The following MYO18B variants were observed in gnomAD, a reference collection of about 807,000 sequenced individuals.
MYO18B encodes myosin XVIIIB, also known as unconventional myosin-XVIIIb.
In MYO18B, 204 loss-of-function variants were observed where a neutral mutation model predicts 273.0. The ratio of observed to expected loss-of-function variants is 0.75; its 90% CI spans 0.67 to 0.84. MYO18B has a LOEUF of 0.84. MYO18B is among the 40% of genes least tolerant of loss of function. The pLI is 0.00. For synonymous variants in MYO18B, 1,330 were observed against 1,305.7 expected, an observed-to-expected ratio of 1.02 and a Z score of -0.40; for missense variants, 3,212 against 3,287.6, an observed-to-expected ratio of 0.98 and a Z score of 0.56.
chr22:25,830,763 G>C (rs896931422), intron 15 of MYO18B, among the ~76,000 whole-genome samples: 6 of 152,154 alleles, frequency 3.9e-5, no homozygotes, highest in African/African-American at 1.4e-4. Context: ...GGATTCAAGG[G>C]GTAGGAAAAC....
chr22:25,743,388 G>C (rs1183712168), intron 1 of MYO18B, among the ~76,000 whole-genome samples: 2 of 152,066 alleles, frequency 1.3e-5, no homozygotes, highest in Non-Finnish European at 2.9e-5. Context: ...TGTGTACCTT[G>C]GGAGCAGAAA....
At chr22:25,888,196 A>T (rs369827596) in intron 25 of MYO18B, among the ~76,000 whole-genome samples, 4 of 152,186 alleles carry the variant, frequency 2.6e-5, no homozygotes, top group African/African-American at 9.7e-5. Flanking sequence ...GAGCAGGTTG[A>T]AATGTAGATT....
intron 1 of MYO18B, among the ~76,000 whole-genome samples, chr22:25,760,025 G>T (rs551374417): frequency 1.3e-4 from 20 of 152,296 alleles, no homozygotes; most frequent in African/African-American, 4.6e-4. Flanking sequence ...GACAGATTGA[G>T]AGCTACAGTT....
intron 29 of MYO18B, 51 bp from the exon 30 acceptor site, chr22:25,902,562 T>A: frequency 6.4e-7 from 1 of 1,568,774 alleles, no homozygotes; most frequent in Non-Finnish European, 8.6e-7. Flanking sequence ...CCTCAATCAC[T>A]CCCCTGCCCA....
At chr22:25,747,461 T>C (rs1276695609) in intron 1 of MYO18B, among the ~76,000 whole-genome samples, 1 of 152,198 alleles carries the variant, frequency 6.6e-6, no homozygotes, top group East Asian at 1.9e-4. Flanking sequence ...ATCCTGGCAC[T>C]CAGCCACGAG....
At chr22:26,019,342 T>A (rs1278504764) in intron 42 of MYO18B, among the ~76,000 whole-genome samples, 1 of 152,250 alleles carries the variant, frequency 6.6e-6, no homozygotes, top group East Asian at 1.9e-4. Flanking sequence ...TTTAAATCCA[T>A]GTTCTCCCAC....
chr22:25,941,499 G>A (rs1251720608), intron 34 of MYO18B, among the ~76,000 whole-genome samples: 1 of 152,178 alleles, frequency 6.6e-6, no homozygotes, highest in Non-Finnish European at 1.5e-5. Flanking sequence ...CCAGTGTTGC[G>A]CCACTGAAGG....
At chr22:25,878,196 A>G in intron 25 of MYO18B, 148 bp downstream of exon 25, 4 of 612,710 alleles carry the variant, frequency 6.5e-6, no homozygotes, top group Non-Finnish European at 1.1e-5. Flanking sequence ...CTGTTATTGA[A>G]CCCATTTTAC....
At chr22:25,803,742 A>C (rs921572173) in intron 12 of MYO18B, among the ~76,000 whole-genome samples, 3 of 152,156 alleles carry the variant, frequency 2.0e-5, no homozygotes, top group Non-Finnish European at 4.4e-5. Context: ...AGGAGTGATG[A>C]AACGCAACGA....
chr22:26,055,912 A>T, the MYO18B span, among the ~76,000 whole-genome samples: 3 of 152,158 alleles, frequency 2.0e-5, no homozygotes, highest in Non-Finnish European at 4.4e-5. Context: ...TGCTGGAGGA[A>T]CTAATCCTAC....
At chr22:25,847,994 G>C (rs1286991755) in intron 20 of MYO18B, among the ~76,000 whole-genome samples, 1 of 151,448 alleles carries the variant, frequency 6.6e-6, no homozygotes, top group East Asian at 1.9e-4. Flanking sequence ...TACATGTACA[G>C]CACGTGCAGG....
downstream of MYO18B, among the ~76,000 whole-genome samples, chr22:26,032,855 G>T (rs8142242): frequency 6.6e-6 from 1 of 152,006 alleles, no homozygotes; most frequent in Non-Finnish European, 1.5e-5. Context: ...GGTATGGGGG[G>T]TTAGAACTTT....
In MYO18B at chr22:25,917,298, C is replaced by A. The variant is rs546908801; in HGVS notation, c.5365-3959C>A. ...CTAAGAGAGTCCTGTTATATCCTTA[C>A]CATGAGAATGGTTATACCAAAGTTT... On this transcript the variant is annotated intron_variant, in intron 33 of 43. Coordinates refer to ENST00000335473, the MANE Select transcript of MYO18B (RefSeq NM_032608.7). Among the ~76,000 whole-genome samples the A allele has an allele frequency of 5.7e-4, 87 of 152,208 alleles. No individual in the cohort carries two copies. The South Asian group carries it at 0.018, about 31-fold the overall frequency.
the MYO18B span, among the ~76,000 whole-genome samples, chr22:26,036,452 A>G: frequency 6.6e-6 from 1 of 152,108 alleles, no homozygotes; most frequent in Non-Finnish European, 1.5e-5. Context: ...TGTCCTATCC[A>G]TGTGTTCTAT....
chr22:26,000,422 C>T (rs888556829), intron 40 of MYO18B, among the ~76,000 whole-genome samples: 3 of 152,034 alleles, frequency 2.0e-5, no homozygotes, highest in South Asian at 2.1e-4. Flanking sequence ...TCCTAGAACT[C>T]GAGGGCTCCA....
At chr22:25,877,561 G>C (rs927985174) in intron 24 of MYO18B, among the ~76,000 whole-genome samples, 2 of 152,046 alleles carry the variant, frequency 1.3e-5, no homozygotes, top group Non-Finnish European at 2.9e-5. Context: ...TCCATCTCCG[G>C]GGTTCAAGTG....
rs780204757 is a variant in MYO18B at position 25,851,616 on chromosome 22, G to C, written c.3885+37G>C. The C allele has an allele frequency of 4.3e-6, 6 of 1,384,286 alleles. No individual in the cohort carries two copies. In the South Asian group the frequency reaches 4.9e-5, roughly 11 times the overall value. The allele number at this position is 1,384,286 out of a possible 1,614,324, so 85.8% of individuals were successfully genotyped here. ...ACATGCGAGAGGGGTGAAGGCCCTA[G>C]ATATGGATATGTTGGTTATTGGACA... On this transcript the variant is annotated intron_variant, in intron 21 of 43. Coordinates refer to ENST00000335473, the MANE Select transcript of MYO18B (RefSeq NM_032608.7).
At chr22:25,987,709 A>G (rs1357565640) in intron 39 of MYO18B, among the ~76,000 whole-genome samples, 2 of 152,092 alleles carry the variant, frequency 1.3e-5, no homozygotes, top group Non-Finnish European at 2.9e-5. Flanking sequence ...CGGCACCTAG[A>G]TCAGTGCTGC....
intron 1 of MYO18B, among the ~76,000 whole-genome samples, chr22:25,745,404 C>T (rs1198646006): frequency 6.6e-6 from 1 of 152,022 alleles, no homozygotes; most frequent in East Asian, 1.9e-4. Context: ...AACCACTGCG[C>T]CTGGCAGAAA....
Sources: gnomAD v4.1 joint callset for allele counts (sites outside exome capture counted in the v4.1 genomes callset) on GRCh38, gnomAD v4.1.1 for gene constraint, MANE v1.5 for transcripts, NCBI Gene and HGNC (gene_info 2026-07-23, HGNC 2026-07-21) for gene names.